The following NCOA2 variants were observed in gnomAD, a reference collection of about 807,000 sequenced individuals.
The protein encoded by NCOA2 is nuclear receptor coactivator 2, also known as class E basic helix-loop-helix protein 75.
In NCOA2, 21 loss-of-function variants were observed where a neutral mutation model predicts 145.1. That is an observed-to-expected ratio of 0.14 (90% CI 0.10 to 0.21). The LOEUF is 0.21. Among genes scored for constraint, NCOA2 ranks in the 10% least tolerant of loss-of-function variants. The pLI is 1.00. For missense variants in NCOA2, 1,472 were observed against 1,837.6 expected (o/e 0.80, Z 3.64); for synonymous variants, 619 against 637.5 (o/e 0.97, Z 0.44).
At chr8:70,385,204 A>G (rs1812549450) in intron 1 of NCOA2, among the ~76,000 whole-genome samples, 1 of 152,216 alleles carries the variant, frequency 6.6e-6, no homozygotes, top group Non-Finnish European at 1.5e-5. Flanking sequence ...ACTCTGAATT[A>G]TAATACCAAA....
chr8:70,241,364 C>T (rs1822115073), intron 2 of NCOA2, among the ~76,000 whole-genome samples: 1 of 152,162 alleles, frequency 6.6e-6, no homozygotes, highest in Non-Finnish European at 1.5e-5. Context: ...AATTTTAATG[C>T]TCTCCTTCAT....
At chr8:70,303,757 C>G (rs935156943) in intron 1 of NCOA2, among the ~76,000 whole-genome samples, 1 of 151,948 alleles carries the variant, frequency 6.6e-6, no homozygotes, top group African/African-American at 2.4e-5. Context: ...GGTGCTTTGC[C>G]AAAAAACTGA....
intron 2 of NCOA2, among the ~76,000 whole-genome samples, chr8:70,280,235 G>A (rs748845370): frequency 6.6e-6 from 1 of 152,144 alleles, no homozygotes; most frequent in African/African-American, 2.4e-5. Context: ...CCTTTGGTGG[G>A]TAAAACAATG....
At chr8:70,421,278 C>A in the NCOA2 span, among the ~76,000 whole-genome samples, 1 of 151,946 alleles carries the variant, frequency 6.6e-6, no homozygotes, top group South Asian at 2.1e-4. Flanking sequence ...AATCTTGACA[C>A]GGTGGCTCAC....
chr8:70,273,993 T>G (rs1272131219), intron 2 of NCOA2, among the ~76,000 whole-genome samples: 1 of 152,234 alleles, frequency 6.6e-6, no homozygotes, highest in Non-Finnish European at 1.5e-5. Context: ...CTCAAGTCCC[T>G]TGGACACTAC....
intron 5 of NCOA2, among the ~76,000 whole-genome samples, chr8:70,173,487 T>C (rs920137354): frequency 2.0e-5 from 3 of 152,256 alleles, no homozygotes; most frequent in African/African-American, 7.2e-5. Flanking sequence ...CACCTAGTTA[T>C]AGTTTTCATA....
intron 1 of NCOA2, among the ~76,000 whole-genome samples, chr8:70,399,066 G>A (rs760441023): frequency 2.0e-5 from 3 of 152,084 alleles, no homozygotes; most frequent in Non-Finnish European, 4.4e-5. Flanking sequence ...AGTCACATTC[G>A]TGATCACCTC....
At chr8:70,116,804 CA>C (rs1287981135) in intron 22 of NCOA2, among the ~76,000 whole-genome samples, 1 of 152,136 alleles carries the variant, frequency 6.6e-6, no homozygotes, top group African/African-American at 2.4e-5. Context: ...GTGGATGAGG[CA>C]GATTCAAGAG....
At chr8:70,405,726 T>A (rs2131899114), upstream of NCOA2, among the ~76,000 whole-genome samples, 1 of 152,216 alleles carries the variant, frequency 6.6e-6, no homozygotes, top group South Asian at 2.1e-4. Flanking sequence ...TTGCTATCCC[T>A]CCCATTTTGG....
intron 1 of NCOA2, among the ~76,000 whole-genome samples, chr8:70,372,227 C>G (rs1008834566): frequency 1.3e-5 from 2 of 152,122 alleles, no homozygotes; most frequent in Non-Finnish European, 2.9e-5. Flanking sequence ...TTCTGGAAAC[C>G]AGATTCTGTT....
At chr8:70,221,406 A>C (rs935083939) in intron 2 of NCOA2, among the ~76,000 whole-genome samples, 3 of 152,188 alleles carry the variant, frequency 2.0e-5, no homozygotes, top group African/African-American at 7.2e-5. Context: ...TCTCCTTCAA[A>C]GTACACTGTG....
intron 4 of NCOA2, among the ~76,000 whole-genome samples, chr8:70,191,197 C>T (rs1168622479): frequency 6.6e-6 from 1 of 152,090 alleles, no homozygotes; most frequent in Non-Finnish European, 1.5e-5. Flanking sequence ...TGAAAATAGC[C>T]TTATTGTGTC....
intron 4 of NCOA2, among the ~76,000 whole-genome samples, chr8:70,187,597 C>A (rs189939818): frequency 6.6e-6 from 1 of 151,992 alleles, no homozygotes; most frequent in Non-Finnish European, 1.5e-5. Flanking sequence ...AAGTCAAAAA[C>A]GAAAAACTCT....
intron 1 of NCOA2, among the ~76,000 whole-genome samples, chr8:70,322,189 C>A (rs1402987977): frequency 6.6e-6 from 1 of 152,018 alleles, no homozygotes; most frequent in African/African-American, 2.4e-5. Flanking sequence ...CTAAGAAAAT[C>A]ATCATGTTTG....
At chr8:70,227,198 T>A (rs1011770982) in intron 2 of NCOA2, among the ~76,000 whole-genome samples, 3 of 152,148 alleles carry the variant, frequency 2.0e-5, no homozygotes, top group Non-Finnish European at 4.4e-5. Context: ...CTTAAGAAAC[T>A]CACTCCTTCT....
At chr8:70,340,394 G>A (rs758349953) in intron 1 of NCOA2, among the ~76,000 whole-genome samples, 1 of 152,146 alleles carries the variant, frequency 6.6e-6, no homozygotes, top group Non-Finnish European at 1.5e-5. Flanking sequence ...CAAGGAGACA[G>A]ATACCATCTC....
intron 22 of NCOA2, among the ~76,000 whole-genome samples, chr8:70,115,345 A>G (rs1171036094): frequency 6.6e-6 from 1 of 152,112 alleles, no homozygotes; most frequent in Non-Finnish European, 1.5e-5. Flanking sequence ...TCTGGCATGG[A>G]CTAACATCAA....
At chr8:70,443,403 ATATT>A in the NCOA2 span, among the ~76,000 whole-genome samples, 1 of 152,114 alleles carries the variant, frequency 6.6e-6, no homozygotes, top group African/African-American at 2.4e-5. Context: ...TAGGTATAAT[ATATT>A]TATTATTATG....
chr8:70,133,170 A>G (rs1385172629), intron 15 of NCOA2, among the ~76,000 whole-genome samples: 2 of 143,376 alleles, frequency 1.4e-5, no homozygotes, highest in Non-Finnish European at 3.0e-5. Flanking sequence ...AGCTAGGACT[A>G]TAGGTGTGTG....
Sources: gnomAD v4.1 joint callset for allele counts (sites outside exome capture counted in the v4.1 genomes callset) on GRCh38, gnomAD v4.1.1 for gene constraint, MANE v1.5 for transcripts, NCBI Gene and HGNC (gene_info 2026-07-23, HGNC 2026-07-21) for gene names.